PDE4C: variants seen among roughly 807,000 people sequenced by gnomAD.
PDE4C encodes the protein 3',5'-cyclic-AMP phosphodiesterase 4C.
PDE4C carries 50 observed loss-of-function variants against 63.9 expected under a neutral mutation model. The ratio of observed to expected loss-of-function variants is 0.78; its 90% CI spans 0.62 to 0.99. The LOEUF (loss-of-function observed/expected upper bound fraction) is 0.99, where lower values mean the gene tolerates loss of function less well. Among genes scored for constraint, PDE4C ranks in the 50% least tolerant of loss-of-function variants. PDE4C has a pLI of 0.00. For missense variants in PDE4C, 777 were observed against 899.1 expected (o/e 0.86, Z 1.74); for synonymous variants, 377 against 385.1 (o/e 0.98, Z 0.25).
intron 11 of PDE4C, chr19:18,217,119 T>G (rs751238505): frequency 1.5e-5 from 7 of 470,956 alleles, no homozygotes; most frequent in Non-Finnish European, 2.6e-5. Context: ...AGGCTCCTCA[T>G]GGACCCCCTA....
exon 13 of PDE4C, chr19:18,213,380 G>T: frequency 6.2e-7 from 1 of 1,613,404 alleles, no homozygotes; most frequent in Non-Finnish European, 8.5e-7. Context: ...GGATTCGGTC[G>T]GAATAGTTGT....
chr19:18,210,856 C>T, exon 15 of PDE4C: 2 of 1,512,874 alleles, frequency 1.3e-6, no homozygotes, highest in Non-Finnish European at 1.8e-6. Flanking sequence ...GGAGCCTCTT[C>T]CTGGAAAGTC....
At chr19:18,254,723 G>C in the PDE4C span, among the ~76,000 whole-genome samples, 48 of 152,246 alleles carry the variant, frequency 3.2e-4, no homozygotes, top group East Asian at 9.1e-3. Context: ...GGCAGAAAAA[G>C]GGAATGCGAG....
chr19:18,255,300 C>A, the PDE4C span: 10 of 399,348 alleles, frequency 2.5e-5, no homozygotes, highest in South Asian at 1.1e-3. This position sits in a 1 kb window ranked among gnomAD's most constrained non-coding sequence, Gnocchi z 4.6. Flanking sequence ...CAGCTGGGGG[C>A]ACGCCATTCC....
intron 11 of PDE4C, 181 bp from the exon 12 acceptor site, chr19:18,217,076 T>C: frequency 1.6e-6 from 1 of 609,084 alleles, no homozygotes; most frequent in Non-Finnish European, 2.7e-6. Context: ...GCTAGGGTTG[T>C]CTGTGTTTGG....
intron 1 of PDE4C, among the ~76,000 whole-genome samples, chr19:18,241,166 G>A (rs377688355): frequency 5.9e-5 from 9 of 152,136 alleles, no homozygotes; most frequent in African/African-American, 2.2e-4. Flanking sequence ...GGGTGTGTGG[G>A]GACAGTTAGC....
exon 15 of PDE4C, chr19:18,211,127 G>A: frequency 6.2e-7 from 1 of 1,614,182 alleles, no homozygotes. Flanking sequence ...CCCGCTCGGG[G>A]TTGGTGAGGT....
At chr19:18,229,979 C>T (rs899946139), upstream of PDE4C, among the ~76,000 whole-genome samples, 1 of 152,158 alleles carries the variant, frequency 6.6e-6, no homozygotes, top group African/African-American at 2.4e-5. Flanking sequence ...TGGCCCTCAC[C>T]TGAATGCTTG....
upstream of PDE4C, among the ~76,000 whole-genome samples, chr19:18,229,102 A>AT (rs56379821): frequency 0.07 from 8,726 of 124,378 alleles, 618 homozygotes; most frequent in African/African-American, 0.17. Context: ...TGCCAAGCTA[A>AT]TTTTTTTTTT....
intron 14 of PDE4C, 74 bp downstream of exon 14, chr19:18,211,685 G>T (rs1365642938): frequency 3.9e-6 from 6 of 1,546,642 alleles, no homozygotes; most frequent in Middle Eastern, 3.4e-4. Flanking sequence ...CCAAACCAGG[G>T]CTCGTGGGGT....
upstream of PDE4C, among the ~76,000 whole-genome samples, chr19:18,249,489 G>A (rs540609608): frequency 6.6e-6 from 1 of 151,920 alleles, no homozygotes; most frequent in Non-Finnish European, 1.5e-5. Flanking sequence ...TGACCAGGCT[G>A]GTCTTGAACT....
At chr19:18,252,509 A>G (rs1969242653), upstream of PDE4C, 1 of 398,754 alleles carries the variant, frequency 2.5e-6, no homozygotes, top group Non-Finnish European at 4.4e-6. Context: ...TCACGCCTGT[A>G]ATTCCAGCAC....
downstream of PDE4C, chr19:18,208,566 A>T (rs1451573967): frequency 6.7e-6 from 1 of 148,610 alleles, no homozygotes; most frequent in Non-Finnish European, 1.5e-5. Context: ...CAGATGCTTG[A>T]CTTTGAGCTG....
intron 13 of PDE4C, 107 bp from the exon 14 acceptor site, chr19:18,212,048 G>T: frequency 9.3e-7 from 1 of 1,077,518 alleles, no homozygotes; most frequent in Non-Finnish European, 1.4e-6. Flanking sequence ...CTTACAGGTG[G>T]GGAAACTGAG....
At chr19:18,219,264 G>C (rs1286890226) in exon 8 of PDE4C, 2 of 1,614,168 alleles carry the variant, frequency 1.2e-6, no homozygotes, top group Non-Finnish European at 1.7e-6. Flanking sequence ...GGTCAGTCTG[G>C]ACCCCAAAGC....
At chr19:18,229,799 C>G (rs1348719881), upstream of PDE4C, among the ~76,000 whole-genome samples, 1 of 151,516 alleles carries the variant, frequency 6.6e-6, no homozygotes, top group African/African-American at 2.4e-5. Flanking sequence ...AAATCACACA[C>G]TCCTTTGCTG....
At chr19:18,221,232 T>G (rs1314496626) in intron 3 of PDE4C, 29 bp downstream of exon 3, 1 of 1,399,210 alleles carries the variant, frequency 7.1e-7, no homozygotes. Flanking sequence ...CCGGAGGGGG[T>G]CAGGGCAGGG....
At chr19:18,238,818 C>T (rs565888141) in intron 1 of PDE4C, among the ~76,000 whole-genome samples, 69 of 151,902 alleles carry the variant, frequency 4.5e-4, no homozygotes, top group African/African-American at 1.6e-3. Context: ...TAGGGAAACC[C>T]CATCTCTACT....
chr19:18,239,692 T>G (rs1472420900), intron 1 of PDE4C, among the ~76,000 whole-genome samples: 1 of 152,038 alleles, frequency 6.6e-6, no homozygotes, highest in Non-Finnish European at 1.5e-5. Flanking sequence ...CTCCTGAGCC[T>G]CACCAATGAG....
Sources: gnomAD v4.1 joint callset for allele counts (sites outside exome capture counted in the v4.1 genomes callset) on GRCh38, gnomAD v4.1.1 for gene constraint, Gnocchi (gnomAD v3.1) non-coding constraint, MANE v1.5 for transcripts, NCBI Gene and HGNC (gene_info 2026-07-23, HGNC 2026-07-21) for gene names.